Variants in LRCOL1 observed in about 807,000 individuals in gnomAD.
LRCOL1 encodes leucine-rich colipase-like protein 1.
LRCOL1 carries 21 observed loss-of-function variants against 21.6 expected under a neutral mutation model. The ratio of observed to expected loss-of-function variants is 0.97; its 90% CI spans 0.69 to 1.40. The LOEUF (loss-of-function observed/expected upper bound fraction) is 1.40. Among genes scored for constraint, LRCOL1 ranks in the 40% most tolerant of loss-of-function variants. The probability of loss-of-function intolerance (pLI) is 0.00; values close to 1 mark genes in which losing one functional copy is unlikely to be tolerated. For missense variants in LRCOL1, 198 were observed against 202.3 expected, an observed-to-expected ratio of 0.98 and a Z score of 0.13; for synonymous variants, 98 against 90.1, an observed-to-expected ratio of 1.09 and a Z score of -0.49.
In LRCOL1 at chr12:132,604,540, G is replaced by A; in HGVS notation, c.276C>T (p.Ser92=). 1 of 1,536,178 alleles carries A rather than the reference G, an allele frequency of 6.5e-7. No individual in the cohort carries two copies. The highest frequency in any genetic ancestry group is 8.7e-7 in the Non-Finnish European group (1 of 1,146,894). The stretch of plus-strand genomic sequence containing the variant: ...GCGGGCTGTTGTTGCGGACGCAGCA[G>A]CTGCTCTGGCACTCTGAGTCGTGCG... ...RCSHDSECQS[S]CCVRNNSPQE... is the part of the protein sequence containing the mutation. Residue 92 remains serine, a synonymous_variant, in exon 4 of 6, where the codon AGC becomes AGT. Coordinates refer to ENST00000376608, the MANE Select transcript of LRCOL1 (RefSeq NM_001195520.2).
intron 5 of LRCOL1, chr12:132,603,894 C>T (rs2041261933): frequency 1.7e-6 from 2 of 1,194,278 alleles, no homozygotes; most frequent in African/African-American, 1.6e-5. Flanking sequence ...GAAGCCAGGA[C>T]CCTCCTCCTC....
At chr12:132,605,096 A>G in intron 2 of LRCOL1, 1 of 1,282,076 alleles carries the variant, frequency 7.8e-7, no homozygotes, top group Non-Finnish European at 1.0e-6. Context: ...GCAGCAGCAG[A>G]GCATGGGTGA....
In LRCOL1 at chr12:132,604,502, GTGCACAACTCC is replaced by G. The variant is rs2041275931; in HGVS notation, c.303_313del (p.Gln101HisfsTer58). 6.5e-7 allele frequency: 1 copy of G among 1,536,060 alleles called. No homozygotes were observed. Among genetic ancestry groups the G allele is most frequent in the African/African-American group, 1.4e-5 (1 of 73,058 alleles). On this transcript the variant is annotated frameshift_variant, in exon 4 of 6. Transcript: ENST00000376608. LOFTEE classifies it high-confidence loss of function. Reference sequence around the variant, plus strand: ...ACACTGCAGGAAGACGCTTTGGGGCGTGCACAACTCCTGCGGGCTGTTGTTGCGGACGCAGC... The same window carrying G: ...ACACTGCAGGAAGACGCTTTGGGGCGTGCGGGCTGTTGTTGCGGACGCAGC...
At chr12:132,608,722 G>T (rs2041342586) in intron 1 of LRCOL1, among the ~76,000 whole-genome samples, 1 of 152,224 alleles carries the variant, frequency 6.6e-6, no homozygotes, top group Non-Finnish European at 1.5e-5. Context: ...GTGAGCCACT[G>T]TGCCCGTCTT....
intron 1 of LRCOL1, among the ~76,000 whole-genome samples, chr12:132,608,612 G>A (rs2041341134): frequency 6.6e-6 from 1 of 152,202 alleles, no homozygotes; most frequent in Non-Finnish European, 1.5e-5. Flanking sequence ...TGTTGCCCAG[G>A]CTGGAGTGCA....
Position 132,605,236 on chromosome 12 carries a change from G to C in LRCOL1, c.106-405C>G, listed in dbSNP as rs909510038. The C allele has an allele frequency of 8.1e-6, 5 of 618,360 alleles. No individual in the cohort carries two copies. In the African/African-American group the frequency reaches 1.0e-4, roughly 12 times the overall value. 38.3% of individuals were successfully genotyped at this position (618,360 alleles called of 1,614,324 possible). ...GAGCCAGGCCTCCCCCCTGCACCAC[G>C]GCTTGTAGCCACCCCCCACCCACAC... On this transcript the variant is annotated intron_variant, in intron 2 of 5. Coordinates refer to ENST00000376608, the MANE Select transcript of LRCOL1 (RefSeq NM_001195520.2).
rs866074252 is a variant in LRCOL1, at chr12:132,610,415, C to T, written c.-106G>A. On this transcript the variant is annotated 5_prime_UTR_variant, in exon 1 of 6. Coordinates refer to ENST00000376608, the MANE Select transcript of LRCOL1 (RefSeq NM_001195520.2). ...CGAGACGCCCGAAAGCAGAGAAGTA[C>T]CCAGAGCAGGGACCCGGCAGCCCGG... The T allele has an allele frequency of 2.0e-5, 3 of 152,622 alleles. No individual in the cohort carries two copies. The highest frequency in any genetic ancestry group is 7.2e-5 in the African/African-American group (3 of 41,448). 9.5% of individuals were successfully genotyped at this position (152,622 alleles called of 1,614,324 possible).
rs912960262 is a variant in LRCOL1, at chr12:132,606,572, G to A, written c.-13-308C>T. On this transcript the variant is annotated intron_variant, in intron 1 of 5. Coordinates refer to ENST00000376608, the MANE Select transcript of LRCOL1 (RefSeq NM_001195520.2). This position sits in a 1 kb window ranked among gnomAD's most constrained non-coding sequence, Gnocchi z 4.6. ...CCACAGGGACGTGCCATCATCACCCGGAGTCCACAGCTCAGCCGGTGTGTG... is the reference window on the plus strand; with the variant it reads ...CCACAGGGACGTGCCATCATCACCCAGAGTCCACAGCTCAGCCGGTGTGTG... Among the ~76,000 whole-genome samples, 11 of 152,074 alleles carry A rather than the reference G, an allele frequency of 7.2e-5. No individual in the cohort carries two copies. In the South Asian group the frequency reaches 1.5e-3, roughly 20 times the overall value.
At chr12:132,607,580 C>T in intron 1 of LRCOL1, among the ~76,000 whole-genome samples, 1 of 152,118 alleles carries the variant, frequency 6.6e-6, no homozygotes, top group Non-Finnish European at 1.5e-5. Context: ...GCAGGGTCTC[C>T]CTGTCTCTCT....
chr12:132,609,565 T>C (rs1201213002), intron 1 of LRCOL1, among the ~76,000 whole-genome samples: 1 of 152,102 alleles, frequency 6.6e-6, no homozygotes, highest in East Asian at 1.9e-4. Context: ...GGTGTGGTGG[T>C]GCATCCCGGT....
chr12:132,605,266 G>A (rs370747502), intron 2 of LRCOL1: 3 of 320,402 alleles, frequency 9.4e-6, no homozygotes, highest in South Asian at 1.2e-4. Context: ...CCACACACAC[G>A]CAAGGTGCTG....
intron 1 of LRCOL1, among the ~76,000 whole-genome samples, chr12:132,608,379 G>A (rs1326529342): frequency 1.3e-5 from 2 of 152,178 alleles, no homozygotes; most frequent in East Asian, 3.8e-4. Context: ...AGCACCACGA[G>A]GTCAGGAACT....
chr12:132,603,754 G>A, intron 5 of LRCOL1: 1 of 985,454 alleles, frequency 1.0e-6, no homozygotes, highest in Non-Finnish European at 1.2e-6. Context: ...CACCGCGTTT[G>A]CGCCGCTGGC....
intron 2 of LRCOL1, 128 bp from the exon 3 acceptor site, chr12:132,604,959 A>C: frequency 3.4e-6 from 5 of 1,457,896 alleles, no homozygotes; most frequent in Non-Finnish European, 4.5e-6. Context: ...TTTCCTGAGA[A>C]GTTTCTGGAA....
At chr12:132,609,408 T>C (rs1200411964) in intron 1 of LRCOL1, among the ~76,000 whole-genome samples, 1 of 152,178 alleles carries the variant, frequency 6.6e-6, no homozygotes, top group Non-Finnish European at 1.5e-5. Flanking sequence ...TAAAAATCAT[T>C]AAGACGGCCC....
intron 5 of LRCOL1, 169 bp from the exon 6 acceptor site, chr12:132,603,573 C>T (rs376716881): frequency 4.1e-6 from 4 of 985,040 alleles, no homozygotes; most frequent in Non-Finnish European, 4.8e-6. Flanking sequence ...GGGACGCCCA[C>T]GAGCCGCGCC....
In LRCOL1 at chr12:132,606,195, C is replaced by A; in HGVS notation, c.57G>T (p.Gly19=). The part of the protein sequence containing the change: ...LLLLLLLLLL[G]SMAGYGPQKK... The stretch of plus-strand genomic sequence containing the variant: ...TCTGTGGCCCATACCCTGCCATGGA[C>A]CCCAGCAGCAGCAGCAGCAGCAGCA... Residue 19 remains glycine (G), a synonymous_variant, in exon 2 of 6, where the codon GGG becomes GGT. Transcript: ENST00000376608. The surrounding 1 kb of genome is among the most constrained non-coding windows in gnomAD (Gnocchi z 4.6). 1.3e-6 allele frequency: 2 copies of A among 1,536,638 alleles called. No homozygotes were observed. The highest frequency in any genetic ancestry group is 8.7e-7 in the Non-Finnish European group (1 of 1,146,912).
In LRCOL1 at chr12:132,606,910, C is replaced by T. The variant is rs75576407; in HGVS notation, c.-13-646G>A. Among the ~76,000 whole-genome samples the T allele has an allele frequency of 5.0e-3, 694 of 137,798 alleles. 8 individuals carry two copies. The highest frequency in any genetic ancestry group is 0.016 in the African/African-American group (647 of 40,574). 90.4% of individuals were successfully genotyped at this position (137,798 alleles called of 152,430 possible). ...GGAAAATGGATTTTTTTTAACACAT[C>T]GAGGCAAAACGTGAAAAATGGATTT... On this transcript the variant is annotated intron_variant, in intron 1 of 5. Transcript: ENST00000376608. This position sits in a 1 kb window ranked among gnomAD's most constrained non-coding sequence, Gnocchi z 4.6.
At chr12:132,605,932 G>A (rs1485105669) in intron 2 of LRCOL1, 1 of 579,548 alleles carries the variant, frequency 1.7e-6, no homozygotes, top group African/African-American at 1.9e-5. Context: ...AGCCTCAAGT[G>A]TGCTTGGGCA....
Sources: allele counts gnomAD v4.1 joint callset (sites outside exome capture counted in the v4.1 genomes callset), GRCh38; gene constraint gnomAD v4.1.1; non-coding constraint Gnocchi (gnomAD v3.1); transcripts MANE v1.5; gene names NCBI Gene and HGNC (gene_info 2026-07-23, HGNC 2026-07-21).